Variants in WDR59 observed in about 807,000 individuals in gnomAD.
WDR59 encodes the protein WD repeat domain 59.
In WDR59, 100 loss-of-function variants were observed where a neutral mutation model predicts 131.2. The observed-to-expected ratio is 0.76, with a 90% CI of 0.65 to 0.90. WDR59 has a LOEUF of 0.90. WDR59 is among the 40% of genes least tolerant of loss of function. The pLI, the probability that WDR59 is intolerant of heterozygous loss-of-function variation, is 0.00. For synonymous variants in WDR59, 601 were observed against 466.2 expected (o/e 1.29, Z -3.72); for missense variants, 1,203 against 1,262.2 (o/e 0.95, Z 0.71).
At chr16:74,906,830 G>A (rs1965842986) in intron 17 of WDR59, among the ~76,000 whole-genome samples, 1 of 152,198 alleles carries the variant, frequency 6.6e-6, no homozygotes, top group Admixed American at 6.5e-5. Flanking sequence ...GGTGTCCTCT[G>A]GGTGCTGAAG....
intron 1 of WDR59, among the ~76,000 whole-genome samples, chr16:74,978,418 G>A (rs2034272569): frequency 6.6e-6 from 1 of 151,896 alleles, no homozygotes; most frequent in South Asian, 2.1e-4. Flanking sequence ...TTGAGCCCAG[G>A]AGCTGGAGGC....
chr16:74,923,860 C>T (rs2030503619), intron 9 of WDR59, 66 bp downstream of exon 9: 17 of 1,398,660 alleles, frequency 1.2e-5, no homozygotes, highest in South Asian at 8.8e-5. Flanking sequence ...AAAATGTCCC[C>T]GGGCTCCTTC....
In WDR59 at chr16:74,886,555, T is replaced by C. The variant is rs929927211; in HGVS notation, c.2420-159A>G. On this transcript the variant is annotated intron_variant, in intron 23 of 25. Transcript: ENST00000262144. ...AATATAACTAAATAGAACTCTCTCC[T>C]ACCCTTGCCTTTTTGCGCAGGTATT... 6.1e-6 allele frequency: 6 copies of C among 991,392 alleles called. No individual in the cohort carries two copies. The African/African-American group carries it at 1.0e-4, about 16-fold the overall frequency. The allele number at this position is 991,392 out of a possible 1,614,324, so 61.4% of individuals were successfully genotyped here. A position where few individuals can be genotyped will look rare whatever the true frequency, so the allele number is the denominator to read the frequency against.
intron 18 of WDR59, among the ~76,000 whole-genome samples, chr16:74,898,899 T>C (rs993961067): frequency 6.6e-6 from 1 of 152,210 alleles, no homozygotes; most frequent in South Asian, 2.1e-4. Flanking sequence ...CTACAAGTTG[T>C]TGGCAGCAGT....
chr16:74,884,656 A>G (rs1233790369), intron 25 of WDR59, among the ~76,000 whole-genome samples: 1 of 152,038 alleles, frequency 6.6e-6, no homozygotes, highest in East Asian at 1.9e-4. Context: ...CCAAATCCAA[A>G]TTCTTTACCG....
chr16:74,929,577 G>A (rs1001852856), intron 8 of WDR59, among the ~76,000 whole-genome samples: 14 of 152,162 alleles, frequency 9.2e-5, no homozygotes, highest in South Asian at 4.1e-4. Context: ...ATACACTGTT[G>A]GTAGGAATGT....
At position 74,874,168 on chromosome 16, in the gene WDR59, G is replaced by A. The variant is rs1426708981; in HGVS notation, c.*41C>T. ...CAGACAGCTTGTCACCGGCACTTAT[G>A]GGTCCTCTGGGATTTCAGACAATAC... is the stretch of plus-strand genomic sequence containing the variant. On this transcript the variant is annotated 3_prime_UTR_variant, in exon 26 of 26. Transcript: ENST00000262144. The A allele has an allele frequency of 6.5e-7, 1 of 1,541,088 alleles. No homozygotes were observed. The highest frequency in any genetic ancestry group is 8.9e-7 in the Non-Finnish European group (1 of 1,127,428).
chr16:74,900,194 A>T (rs1474699210), intron 18 of WDR59, among the ~76,000 whole-genome samples: 1 of 152,172 alleles, frequency 6.6e-6, no homozygotes, highest in Non-Finnish European at 1.5e-5. Flanking sequence ...AAAAGAAGAC[A>T]TTCTTGAATA....
intron 13 of WDR59, among the ~76,000 whole-genome samples, chr16:74,914,915 A>G (rs1333907016): frequency 6.6e-6 from 1 of 152,194 alleles, no homozygotes; most frequent in East Asian, 1.9e-4. Flanking sequence ...TAAAAGCCAC[A>G]TGAGATAGTT....
intron 3 of WDR59, among the ~76,000 whole-genome samples, chr16:74,953,777 G>A (rs767831877): frequency 4.0e-5 from 6 of 151,852 alleles, no homozygotes; most frequent in South Asian, 2.1e-4. Context: ...CGAGGCAGGC[G>A]GATCATGAGG....
intron 3 of WDR59, among the ~76,000 whole-genome samples, chr16:74,954,992 A>G (rs952969485): frequency 6.6e-6 from 1 of 152,248 alleles, no homozygotes; most frequent in African/African-American, 2.4e-5. Flanking sequence ...TGCTTAATGA[A>G]TAAAGGGTTT....
chr16:74,879,510 T>G (rs1019260690), intron 25 of WDR59, among the ~76,000 whole-genome samples: 1 of 152,200 alleles, frequency 6.6e-6, no homozygotes, highest in African/African-American at 2.4e-5. Context: ...CCAAGACAAT[T>G]AGAACAAGAA....
intron 1 of WDR59, among the ~76,000 whole-genome samples, chr16:74,982,762 C>A (rs2034478749): frequency 6.6e-6 from 1 of 152,164 alleles, no homozygotes; most frequent in Admixed American, 6.6e-5. Flanking sequence ...GGTCCTTAAT[C>A]CAAATGCTAC....
chr16:74,918,911 C>T (rs1966519102), intron 10 of WDR59, among the ~76,000 whole-genome samples: 1 of 152,160 alleles, frequency 6.6e-6, no homozygotes. Flanking sequence ...TTCAATATTT[C>T]ATACATCACT....
In WDR59 at chr16:74,942,737, C is replaced by A. The variant is rs1275107529; in HGVS notation, c.534+1G>T. On this transcript the variant is annotated splice_donor_variant, in intron 7 of 25. Coordinates refer to ENST00000262144, the MANE Select transcript of WDR59 (RefSeq NM_030581.4). LOFTEE classifies it high-confidence loss of function. Reference sequence around the variant, plus strand: ...TAAGGGCGAAAAAAGAGATTACTCACCCTCTTATCCCATATCCGCACATCG... The same window carrying A: ...TAAGGGCGAAAAAAGAGATTACTCAACCTCTTATCCCATATCCGCACATCG... The A allele has an allele frequency of 6.2e-7, 1 of 1,613,836 alleles. No homozygotes were observed. Among genetic ancestry groups the A allele is most frequent in the Non-Finnish European group, 8.5e-7 (1 of 1,179,758 alleles).
At chr16:74,899,573 G>A (rs991655049) in intron 18 of WDR59, 3 of 712,812 alleles carry the variant, frequency 4.2e-6, no homozygotes, top group Non-Finnish European at 6.2e-6. Context: ...ATTGACTGTT[G>A]CTGGTCCTGA....
At chr16:74,948,686 G>A in intron 5 of WDR59, 130 bp from the exon 6 acceptor site, 7 of 773,098 alleles carry the variant, frequency 9.1e-6, no homozygotes. Context: ...TCCGCTGTGA[G>A]GGCCTTAAAA....
At chr16:74,913,462 T>C (rs1390983946) in intron 13 of WDR59, among the ~76,000 whole-genome samples, 2 of 152,006 alleles carry the variant, frequency 1.3e-5, no homozygotes, top group Non-Finnish European at 2.9e-5. Flanking sequence ...GTTTTGCTTT[T>C]TGTGTTTTGG....
At position 74,917,950 on chromosome 16, in the gene WDR59, C is replaced by T. The variant is rs1966472439; in HGVS notation, c.945G>A (p.Arg315=). ...WSRDQTLRMW[R]VDSQMQRLCA... is the part of the protein sequence containing the mutation. ...ATACCCTCTGCATCTGGGAATCCAC[C>T]CGCCACATTCTCAAGGTCTGATCCC... The change falls in exon 11 of 26, where the codon CGG becomes CGA. Residue 315 remains arginine, a synonymous_variant. Transcript: ENST00000262144. 1 of 1,614,030 alleles carries T rather than the reference C, an allele frequency of 6.2e-7. No homozygotes were observed. The highest frequency in any genetic ancestry group is 1.3e-5 in the African/African-American group (1 of 75,012).
Sources: gnomAD v4.1 joint callset for allele counts (sites outside exome capture counted in the v4.1 genomes callset) on GRCh38, gnomAD v4.1.1 for gene constraint, MANE v1.5 for transcripts, NCBI Gene and HGNC (gene_info 2026-07-23, HGNC 2026-07-21) for gene names.